The following CLSTN2 variants were observed in gnomAD, a reference collection of about 807,000 sequenced individuals.
CLSTN2 encodes calsyntenin-2.
A neutral mutation model predicts 101.2 loss-of-function variants in CLSTN2; 48 were observed. That is an observed-to-expected ratio of 0.47 (90% CI 0.38 to 0.60). The LOEUF (loss-of-function observed/expected upper bound fraction) is 0.60, where lower values mean the gene tolerates loss of function less well. Ranked by LOEUF, CLSTN2 falls within the 20% of genes least tolerant of loss-of-function variation. The pLI is 0.00. For missense variants in CLSTN2, 1,160 were observed against 1,238.2 expected (o/e 0.94, Z 0.95); for synonymous variants, 481 against 463.6 (o/e 1.04, Z -0.48).
At chr3:140,403,186 T>C (rs2088262759) in intron 2 of CLSTN2, among the ~76,000 whole-genome samples, 1 of 152,218 alleles carries the variant, frequency 6.6e-6, no homozygotes, top group Admixed American at 6.5e-5. Context: ...CCACAGGGGC[T>C]CTGGAACTCT....
intron 8 of CLSTN2, among the ~76,000 whole-genome samples, chr3:140,495,680 A>G (rs1254456779): frequency 6.6e-6 from 1 of 152,130 alleles, no homozygotes; most frequent in Non-Finnish European, 1.5e-5. Context: ...TTTTTTGCAT[A>G]TGACTAGCCA....
At chr3:140,451,810 C>T (rs1933258649) in intron 6 of CLSTN2, among the ~76,000 whole-genome samples, 1 of 152,166 alleles carries the variant, frequency 6.6e-6, no homozygotes, top group Non-Finnish European at 1.5e-5. Flanking sequence ...TCTTGCTGGG[C>T]TTCCCAACTG....
intron 2 of CLSTN2, among the ~76,000 whole-genome samples, chr3:140,278,298 C>T (rs774070112): frequency 5.3e-5 from 8 of 152,138 alleles, no homozygotes; most frequent in Admixed American, 2.0e-4. Flanking sequence ...CACAGGGCCC[C>T]GCCTCTTTTC....
chr3:139,944,679 G>A (rs1935188124), intron 1 of CLSTN2, among the ~76,000 whole-genome samples: 1 of 152,236 alleles, frequency 6.6e-6, no homozygotes, highest in South Asian at 2.1e-4. Flanking sequence ...GTGTTGAGGG[G>A]GTGACTGGTG....
chr3:140,393,061 T>G (rs2088136485), intron 2 of CLSTN2, among the ~76,000 whole-genome samples: 1 of 152,126 alleles, frequency 6.6e-6, no homozygotes, highest in South Asian at 2.1e-4. Context: ...CATTAATCCA[T>G]GAATTAGCAG....
intron 2 of CLSTN2, among the ~76,000 whole-genome samples, chr3:140,275,873 G>C (rs1042405915): frequency 3.3e-5 from 5 of 152,176 alleles, no homozygotes; most frequent in African/African-American, 1.2e-4. Context: ...TGGTTGGTGA[G>C]GGCTTCCTGA....
At chr3:140,252,129 G>A (rs1259378987) in intron 2 of CLSTN2, among the ~76,000 whole-genome samples, 1 of 152,146 alleles carries the variant, frequency 6.6e-6, no homozygotes, top group African/African-American at 2.4e-5. Context: ...ACAAAAGTGA[G>A]GGGAGCAGCA....
intron 1 of CLSTN2, among the ~76,000 whole-genome samples, chr3:140,044,859 C>G (rs2007837738): frequency 6.6e-6 from 1 of 152,286 alleles, no homozygotes; most frequent in South Asian, 2.1e-4. Flanking sequence ...TTGAACCAGC[C>G]TTGCATCCCA....
intron 2 of CLSTN2, among the ~76,000 whole-genome samples, chr3:140,352,987 T>A (rs2087626885): frequency 6.6e-6 from 1 of 152,194 alleles, no homozygotes; most frequent in African/African-American, 2.4e-5. Flanking sequence ...CTGTGTAAAC[T>A]GTTTTTCTTG....
At chr3:140,511,071 T>C (rs1934804379) in intron 8 of CLSTN2, among the ~76,000 whole-genome samples, 1 of 152,236 alleles carries the variant, frequency 6.6e-6, no homozygotes. Context: ...TGTGTCTATG[T>C]GTTCTCATCA....
At chr3:140,051,899 T>C (rs1560080076) in intron 1 of CLSTN2, among the ~76,000 whole-genome samples, 1 of 152,210 alleles carries the variant, frequency 6.6e-6, no homozygotes, top group Non-Finnish European at 1.5e-5. Context: ...CCACAGTTGC[T>C]GATGCAGGTG....
At chr3:140,527,271 T>C (rs557217724) in intron 8 of CLSTN2, among the ~76,000 whole-genome samples, 1 of 152,078 alleles carries the variant, frequency 6.6e-6, no homozygotes, top group Non-Finnish European at 1.5e-5. Flanking sequence ...GCAAAGGATA[T>C]GAACAGATTC....
At chr3:139,948,014 T>C (rs1448135293) in intron 1 of CLSTN2, among the ~76,000 whole-genome samples, 2 of 152,178 alleles carry the variant, frequency 1.3e-5, no homozygotes, top group Non-Finnish European at 2.9e-5. Context: ...ATTCCACTAC[T>C]ACTTTGTCCC....
At chr3:140,085,266 G>A (rs2008663095) in intron 1 of CLSTN2, among the ~76,000 whole-genome samples, 1 of 152,212 alleles carries the variant, frequency 6.6e-6, no homozygotes, top group African/African-American at 2.4e-5. Context: ...TGGTGGGCTA[G>A]AGAACGTGTT....
At chr3:140,024,677 G>A (rs2007382774) in intron 1 of CLSTN2, among the ~76,000 whole-genome samples, 2 of 152,202 alleles carry the variant, frequency 1.3e-5, no homozygotes, top group South Asian at 4.1e-4. Context: ...GAGTCTCACG[G>A]TGGTTTGACT....
In CLSTN2 at chr3:140,140,498, C is replaced by T. The variant is rs1426132329; in HGVS notation, c.110-35453C>T. On this transcript the variant is annotated intron_variant, in intron 1 of 16. Transcript: ENST00000458420. ...AACTCACTTGTTAACAAGGGGAAGG[C>T]ACGAACCCCTGCATGAGACAGCCAC... 3.3e-5 allele frequency among the ~76,000 whole-genome samples: 5 copies of T among 152,244 alleles called. No homozygotes were observed. The East Asian group carries it at 7.7e-4, about 24-fold the overall frequency.
chr3:140,235,755 C>T (rs79228316), intron 2 of CLSTN2, among the ~76,000 whole-genome samples: 6,616 of 152,196 alleles, frequency 0.043, 273 homozygotes, highest in African/African-American at 0.11. Flanking sequence ...AAACATTCTC[C>T]TACTGAGTAG....
At chr3:140,309,893 T>C (rs916710152) in intron 2 of CLSTN2, among the ~76,000 whole-genome samples, 8 of 152,092 alleles carry the variant, frequency 5.3e-5, no homozygotes, top group African/African-American at 1.7e-4. Context: ...AAAACACATA[T>C]ACCACATTCT....
At chr3:140,175,680 A>G (rs2010311537) in intron 1 of CLSTN2, among the ~76,000 whole-genome samples, 1 of 152,174 alleles carries the variant, frequency 6.6e-6, no homozygotes, top group South Asian at 2.1e-4. Context: ...TGACGAGGTG[A>G]AGAATCCGTG....
Sources: allele counts gnomAD v4.1 joint callset (sites outside exome capture counted in the v4.1 genomes callset), GRCh38; gene constraint gnomAD v4.1.1; transcripts MANE v1.5; gene names NCBI Gene and HGNC (gene_info 2026-07-23, HGNC 2026-07-21).